SSPN: variants seen among roughly 807,000 people sequenced by gnomAD.
The protein encoded by SSPN is K-ras oncogene-associated protein.
A neutral mutation model predicts 19.1 loss-of-function variants in SSPN; 15 were observed. That is an observed-to-expected ratio of 0.78 (90% CI 0.52 to 1.21). The LOEUF (loss-of-function observed/expected upper bound fraction) is 1.21, where lower values mean the gene tolerates loss of function less well. Among genes scored for constraint, SSPN ranks in the 50% most tolerant of loss-of-function variants. The pLI is 0.00. For synonymous variants in SSPN, 147 were observed against 140.3 expected, an observed-to-expected ratio of 1.05 and a Z score of -0.34; for missense variants, 291 against 314.0, an observed-to-expected ratio of 0.93 and a Z score of 0.55.
At chr12:26,162,919 A>G (rs1944597733) in intron 1 of SSPN, among the ~76,000 whole-genome samples, 1 of 152,140 alleles carries the variant, frequency 6.6e-6, no homozygotes. Flanking sequence ...GTAATACCCA[A>G]ATTAAGTTGA....
chr12:26,189,520 A>C (rs1944774974), intron 1 of SSPN, among the ~76,000 whole-genome samples: 1 of 152,154 alleles, frequency 6.6e-6, no homozygotes, highest in African/African-American at 2.4e-5. Context: ...TTATCTGATC[A>C]AATGTCCCCT....
chr12:26,191,431 C>T (rs1299555682), upstream of SSPN, among the ~76,000 whole-genome samples: 2 of 151,996 alleles, frequency 1.3e-5, no homozygotes, highest in African/African-American at 4.8e-5. Flanking sequence ...CCAGCCTGTG[C>T]AACATAGTGA....
chr12:26,124,885 C>T, intron 1 of SSPN: 1 of 1,061,322 alleles, frequency 9.4e-7, no homozygotes, highest in Non-Finnish European at 1.5e-6. Context: ...CGTCTCCAGT[C>T]TCTCTCTCGC....
In SSPN at chr12:26,209,857, A is replaced by C. The variant is rs188786843; in HGVS notation, c.279+13906A>C. ...GTGTGTGTACATGCATGTAAGAGCT[A>C]GCCTTCACTAATAATTAATTCTTCA... On this transcript the variant is annotated intron_variant, in intron 1 of 2. Transcript: ENST00000242729. Among the ~76,000 whole-genome samples the C allele has an allele frequency of 4.4e-3, 657 of 149,732 alleles. 3 individuals are homozygous for C. Among genetic ancestry groups the C allele is most frequent in the African/African-American group, 0.015 (629 of 40,696 alleles).
chr12:26,220,777 C>A (rs377757328), intron 1 of SSPN, among the ~76,000 whole-genome samples: 2 of 152,168 alleles, frequency 1.3e-5, no homozygotes, highest in African/African-American at 4.8e-5. Flanking sequence ...ACCCACCTGG[C>A]AGCACCTTCC....
At chr12:26,189,595 TA>T (rs923371276) in intron 1 of SSPN, among the ~76,000 whole-genome samples, 3 of 151,256 alleles carry the variant, frequency 2.0e-5, no homozygotes, top group Non-Finnish European at 3.0e-5. Context: ...TTCCATTAAA[TA>T]AAAAAAAAGG....
chr12:26,196,249 A>G (rs1944829430), intron 1 of SSPN, among the ~76,000 whole-genome samples: 1 of 152,212 alleles, frequency 6.6e-6, no homozygotes, highest in South Asian at 2.1e-4. Flanking sequence ...GTCAGACTGA[A>G]CAGCCTCAAT....
At chr12:26,190,402 A>C (rs1591870248), upstream of SSPN, among the ~76,000 whole-genome samples, 2 of 152,240 alleles carry the variant, frequency 1.3e-5, no homozygotes, top group South Asian at 4.1e-4. Context: ...TTCAAGATGC[A>C]TTAGCCGCCT....
chr12:26,122,206 C>G, intron 1 of SSPN: 1 of 1,376,086 alleles, frequency 7.3e-7, no homozygotes, highest in Non-Finnish European at 9.4e-7. Context: ...GGCGCCACCT[C>G]GTGCGGCAGG....
At chr12:26,222,436 G>A (rs190575666) in intron 1 of SSPN, among the ~76,000 whole-genome samples, 8 of 152,286 alleles carry the variant, frequency 5.3e-5, no homozygotes, top group Admixed American at 5.2e-4. Flanking sequence ...ACCCTAACAG[G>A]GTTTGAAGCT....
At chr12:26,153,821 G>A (rs1256744519) in intron 1 of SSPN, among the ~76,000 whole-genome samples, 2 of 152,204 alleles carry the variant, frequency 1.3e-5, no homozygotes, top group African/African-American at 4.8e-5. Context: ...TTGTGGGTGT[G>A]CTTAGCTCTC....
intron 1 of SSPN, among the ~76,000 whole-genome samples, chr12:26,145,675 C>A (rs1447562823): frequency 6.6e-6 from 1 of 152,176 alleles, no homozygotes; most frequent in Non-Finnish European, 1.5e-5. Context: ...TGGACATGGG[C>A]ATGCAGTTCC....
At chr12:26,122,963 G>A (rs776355718) in intron 1 of SSPN, 9 of 1,560,678 alleles carry the variant, frequency 5.8e-6, no homozygotes, top group East Asian at 2.4e-5. Context: ...TGCTCAGAGG[G>A]ACCTGTTGAG....
intron 1 of SSPN, among the ~76,000 whole-genome samples, chr12:26,128,341 G>A (rs926778112): frequency 6.6e-6 from 1 of 152,210 alleles, no homozygotes; most frequent in Non-Finnish European, 1.5e-5. Flanking sequence ...CAAGAAGAGA[G>A]GCAGTCTTTT....
intron 1 of SSPN, among the ~76,000 whole-genome samples, chr12:26,168,491 T>C (rs1944634789): frequency 1.3e-5 from 2 of 152,184 alleles, no homozygotes; most frequent in African/African-American, 2.4e-5. Flanking sequence ...ATGAATAAAA[T>C]TGCATTGACT....
chr12:26,212,884 T>C (rs1945005568), intron 1 of SSPN, among the ~76,000 whole-genome samples: 1 of 151,882 alleles, frequency 6.6e-6, no homozygotes, highest in Non-Finnish European at 1.5e-5. Context: ...TTATAATTAG[T>C]GCTCTGAGTT....
At chr12:26,146,109 C>T (rs899060984) in intron 1 of SSPN, among the ~76,000 whole-genome samples, 4 of 152,190 alleles carry the variant, frequency 2.6e-5, no homozygotes, top group Non-Finnish European at 5.9e-5. Context: ...AATTGCCACC[C>T]TCAAGAGACA....
chr12:26,162,002 G>T (rs1288744325), intron 1 of SSPN, among the ~76,000 whole-genome samples: 3 of 152,070 alleles, frequency 2.0e-5, no homozygotes, highest in African/African-American at 7.2e-5. Context: ...GGGGACCAGT[G>T]GTCTAGAATA....
At chr12:26,125,905 CTCCGGTGACGCTACGTGCTT>C (rs1218251019) in intron 1 of SSPN, 1 of 152,430 alleles carries the variant, frequency 6.6e-6, no homozygotes, top group Non-Finnish European at 1.5e-5. Flanking sequence ...CGTTCTGAGC[CTCCGGTGACGCTACGTGCTT>C]TCCCCATCCC....
Sources: allele counts gnomAD v4.1 joint callset (sites outside exome capture counted in the v4.1 genomes callset), GRCh38; gene constraint gnomAD v4.1.1; transcripts MANE v1.5; gene names NCBI Gene and HGNC (gene_info 2026-07-23, HGNC 2026-07-21).